The following RABGAP1L variants were observed in gnomAD, a reference collection of about 807,000 sequenced individuals.
The protein encoded by RABGAP1L is RAB GTPase activating protein 1 like, also known as rab GTPase-activating protein 1-like.
Under a neutral mutation model 137.7 loss-of-function variants are expected in RABGAP1L, and 63 were observed. The ratio of observed to expected loss-of-function variants is 0.46; its 90% CI spans 0.37 to 0.56. The LOEUF (loss-of-function observed/expected upper bound fraction) is 0.56. Among genes scored for constraint, RABGAP1L ranks in the 20% least tolerant of loss-of-function variants. The pLI is 0.00. For missense variants in RABGAP1L, 1,095 were observed against 1,244.0 expected (o/e 0.88, Z 1.80); for synonymous variants, 431 against 433.7 (o/e 0.99, Z 0.08).
intron 18 of RABGAP1L, among the ~76,000 whole-genome samples, chr1:174,803,487 C>G (rs1198789129): frequency 1.3e-5 from 2 of 152,138 alleles, no homozygotes; most frequent in African/African-American, 4.8e-5. Context: ...CCTGTGCTTT[C>G]AAATGATTCT....
At chr1:174,902,516 A>T (rs1658319942) in intron 19 of RABGAP1L, among the ~76,000 whole-genome samples, 1 of 152,136 alleles carries the variant, frequency 6.6e-6, no homozygotes, top group Non-Finnish European at 1.5e-5. Context: ...CCTTTCTGGG[A>T]ATCCTGGGGC....
intron 11 of RABGAP1L, among the ~76,000 whole-genome samples, chr1:174,364,243 CTTTTTTTTTTTTTTT>C (rs1054313083): frequency 1.2e-4 from 10 of 81,184 alleles, no homozygotes; most frequent in South Asian, 4.0e-4. Flanking sequence ...TTTGGATTTC[CTTTTTTTTTTTTTTT>C]TTTTTTTTTT....
At chr1:174,221,873 A>G (rs1292073149) in intron 3 of RABGAP1L, among the ~76,000 whole-genome samples, 2 of 152,176 alleles carry the variant, frequency 1.3e-5, no homozygotes, top group African/African-American at 2.4e-5. Context: ...GAAAGTCTTC[A>G]TTCTTTTACT....
intron 13 of RABGAP1L, among the ~76,000 whole-genome samples, chr1:174,523,621 C>A (rs1439801658): frequency 6.6e-6 from 1 of 152,104 alleles, no homozygotes; most frequent in Non-Finnish European, 1.5e-5. Context: ...TTTATCATTT[C>A]TATGTTTTGG....
chr1:174,764,367 T>G (rs1685492808), intron 18 of RABGAP1L, among the ~76,000 whole-genome samples: 1 of 152,196 alleles, frequency 6.6e-6, no homozygotes, highest in Non-Finnish European at 1.5e-5. Context: ...GTGTTTAACT[T>G]TTTAAGGAGC....
chr1:174,215,016 C>T (rs1669179419), intron 1 of RABGAP1L, among the ~76,000 whole-genome samples: 1 of 152,084 alleles, frequency 6.6e-6, no homozygotes, highest in Admixed American at 6.6e-5. Flanking sequence ...AAGGTATCTG[C>T]ACAACAAAGA....
chr1:174,895,811 A>T (rs1573714916), intron 19 of RABGAP1L, among the ~76,000 whole-genome samples: 1 of 152,158 alleles, frequency 6.6e-6, no homozygotes, highest in Admixed American at 6.5e-5. Context: ...CATGGTATAT[A>T]TGTGCCACAT....
At chr1:174,188,786 A>C (rs946795318) in intron 1 of RABGAP1L, among the ~76,000 whole-genome samples, 1 of 152,234 alleles carries the variant, frequency 6.6e-6, no homozygotes, top group African/African-American at 2.4e-5. Context: ...CTCTAAGCAG[A>C]TGTGCTGTCA....
At chr1:174,589,635 A>G (rs1669398141) in intron 13 of RABGAP1L, among the ~76,000 whole-genome samples, 2 of 152,126 alleles carry the variant, frequency 1.3e-5, no homozygotes, top group African/African-American at 4.8e-5. Context: ...TGATTTTTAT[A>G]TATGTCGAGA....
intron 11 of RABGAP1L, among the ~76,000 whole-genome samples, chr1:174,352,160 C>G (rs566577398): frequency 6.6e-6 from 1 of 152,304 alleles, no homozygotes; most frequent in South Asian, 2.1e-4. Flanking sequence ...ACTGATCTCT[C>G]TCTCTCTCTG....
intron 19 of RABGAP1L, among the ~76,000 whole-genome samples, chr1:174,950,127 A>T (rs1211697833): frequency 6.6e-6 from 1 of 152,206 alleles, no homozygotes; most frequent in Non-Finnish European, 1.5e-5. Context: ...CAAGTACAGC[A>T]CCATAGATTG....
In RABGAP1L at chr1:174,384,656, T is replaced by C. The variant is rs1214018691; in HGVS notation, c.1560-9339T>C. 2.0e-5 allele frequency among the ~76,000 whole-genome samples: 3 copies of C among 152,314 alleles called. No individual in the cohort carries two copies. The East Asian group carries it at 5.8e-4, about 29-fold the overall frequency. ...TCTCTCTTTATTTTGTAATATTTAT[T>C]ATAGGTAACTCTGTCTTAACTAACT... is the stretch of plus-strand genomic sequence containing the variant. On this transcript the variant is annotated intron_variant, in intron 12 of 25. Transcript: ENST00000681986.
At chr1:174,372,589 C>T (rs898491029) in intron 12 of RABGAP1L, among the ~76,000 whole-genome samples, 1 of 152,018 alleles carries the variant, frequency 6.6e-6, no homozygotes, top group Non-Finnish European at 1.5e-5. Context: ...CTCTAGTTAT[C>T]GTACAAAACA....
At chr1:174,643,298 T>TTTTCTA (rs574164565) in intron 14 of RABGAP1L, among the ~76,000 whole-genome samples, 92 of 152,216 alleles carry the variant, frequency 6.0e-4, no homozygotes, top group African/African-American at 2.2e-3. Context: ...TCAAGCAGAT[T>TTTTCTA]TTTCTATTCT....
chr1:174,628,466 T>C (rs914052429), intron 13 of RABGAP1L, among the ~76,000 whole-genome samples: 1 of 152,230 alleles, frequency 6.6e-6, no homozygotes, highest in African/African-American at 2.4e-5. Flanking sequence ...TTTATTTATT[T>C]AACAAGTACT....
chr1:174,780,673 C>G (rs1235119014), intron 18 of RABGAP1L, among the ~76,000 whole-genome samples: 1 of 151,082 alleles, frequency 6.6e-6, no homozygotes, highest in African/African-American at 2.4e-5. Flanking sequence ...CACCCATTAA[C>G]TCGTCATTTA....
intron 13 of RABGAP1L, among the ~76,000 whole-genome samples, chr1:174,474,410 T>G (rs1279542549): frequency 6.6e-6 from 1 of 152,216 alleles, no homozygotes; most frequent in Admixed American, 6.5e-5. Context: ...TAGCTTTACT[T>G]CCTTCTTACT....
chr1:174,802,373 G>C (rs1688835861), intron 18 of RABGAP1L, among the ~76,000 whole-genome samples: 2 of 152,218 alleles, frequency 1.3e-5, no homozygotes, highest in African/African-American at 4.8e-5. Flanking sequence ...TTGGGAGGCT[G>C]AGGCGGGCAG....
chr1:174,324,475 A>G (rs1680271614), intron 11 of RABGAP1L, among the ~76,000 whole-genome samples: 1 of 152,184 alleles, frequency 6.6e-6, no homozygotes, highest in Non-Finnish European at 1.5e-5. Context: ...AGTTTTAAAT[A>G]TTGATGAGTT....
Sources: gnomAD v4.1 joint callset for allele counts (sites outside exome capture counted in the v4.1 genomes callset) on GRCh38, gnomAD v4.1.1 for gene constraint, MANE v1.5 for transcripts, NCBI Gene and HGNC (gene_info 2026-07-23, HGNC 2026-07-21) for gene names.